The following PRKDC variants were observed in gnomAD, a reference collection of about 807,000 sequenced individuals.
PRKDC encodes the protein DNA-dependent protein kinase catalytic subunit.
Under a neutral mutation model 486.9 loss-of-function variants are expected in PRKDC, and 82 were observed. The ratio of observed to expected loss-of-function variants is 0.17; its 90% CI spans 0.14 to 0.20. PRKDC has a LOEUF of 0.20. PRKDC is among the 10% of genes least tolerant of loss of function. PRKDC has a pLI of 1.00. For synonymous variants in PRKDC, 1,895 were observed against 1,837.0 expected, an observed-to-expected ratio of 1.03 and a Z score of -0.81; for missense variants, 4,504 against 5,038.2, an observed-to-expected ratio of 0.89 and a Z score of 3.21.
At chr8:47,857,696 C>T (rs1165548176) in intron 48 of PRKDC, among the ~76,000 whole-genome samples, 1 of 152,110 alleles carries the variant, frequency 6.6e-6, no homozygotes, top group African/African-American at 2.4e-5. Context: ...AGTATGGCAC[C>T]CTGAGACCAT....
chr8:47,790,924 A>C (rs1404204429), intron 74 of PRKDC, among the ~76,000 whole-genome samples: 3 of 152,234 alleles, frequency 2.0e-5, no homozygotes, highest in East Asian at 3.8e-4. Flanking sequence ...AAATAGATTA[A>C]AGACTTAAAC....
In PRKDC at chr8:47,779,062, C is replaced by G. The variant is rs748093191; in HGVS notation, c.11521G>C (p.Asp3841His). Residue 3841 changes from aspartate (D) to histidine (H), a missense_variant, in exon 81 of 86, where the codon GAT becomes CAT. Around this residue, in one of 6 missense-constraint regions of PRKDC, gnomAD observed 706 missense variants for 945.0 expected, o/e 0.75. Transcript: ENST00000314191. ...DPRAPPCEYK[D>H]WLTKMSGKHD... ...TTTCCTGACATTTTTGTCAGCCAAT[C>G]TTTATATTCACACGGCGGTGCCCTG... The G allele has an allele frequency of 6.2e-7, 1 of 1,601,558 alleles. No individual in the cohort carries two copies. The highest frequency in any genetic ancestry group is 1.7e-5 in the Admixed American group (1 of 58,278).
At chr8:47,867,803 G>C (rs1589753625) in intron 40 of PRKDC, among the ~76,000 whole-genome samples, 1 of 152,138 alleles carries the variant, frequency 6.6e-6, no homozygotes, top group African/African-American at 2.4e-5. Flanking sequence ...CTCTGGCCTT[G>C]TTCCCAATCT....
In PRKDC at chr8:47,777,784, T is replaced by C. The variant is rs374625875; in HGVS notation, c.11944A>G (p.Ser3982Gly). 28 of 1,613,884 alleles carry C rather than the reference T, an allele frequency of 1.7e-5. No individual in the cohort carries two copies. In the African/African-American group the frequency reaches 3.1e-4, roughly 18 times the overall value. ...GCCCGGAGTGCGTGTACCATGATGCTGTACATAAGGCCCGTTTCTTTCATT... is the reference window on the plus strand; with the variant it reads ...GCCCGGAGTGCGTGTACCATGATGCCGTACATAAGGCCCGTTTCTTTCATT... ...LPMKETGLMY[S>G]IMVHALRAFR... The change falls in exon 84 of 86, where the codon AGC becomes GGC. Residue 3982 changes from serine (S) to glycine (G), a missense_variant. By Grantham distance (56) the Ser-to-Gly change is moderately conservative. Around this residue, in one of 6 missense-constraint regions of PRKDC, gnomAD observed 706 missense variants for 945.0 expected, o/e 0.75. Transcript: ENST00000314191.
At chr8:47,914,715 C>T (rs377764496) in intron 23 of PRKDC, among the ~76,000 whole-genome samples, 3 of 151,324 alleles carry the variant, frequency 2.0e-5, no homozygotes, top group African/African-American at 7.3e-5. Context: ...GCAGGAGAAT[C>T]GCTTGAACCT....
intron 44 of PRKDC, 126 bp downstream of exon 44, chr8:47,861,936 C>A (rs1013155859): frequency 7.1e-6 from 5 of 706,852 alleles, no homozygotes; most frequent in Non-Finnish European, 1.2e-5. Context: ...TTTATAGAAA[C>A]CACATGAAAC....
rs769409012 is a variant in PRKDC, at chr8:47,789,160, C to G, written c.10749G>C (p.Leu3583=). Residue 3583 remains leucine, a synonymous_variant, in exon 75 of 86, where the codon CTG becomes CTC. Coordinates refer to ENST00000314191, the MANE Select transcript of PRKDC (RefSeq NM_006904.7). The stretch of plus-strand genomic sequence containing the variant: ...GCCGTTCTATCATTACCTTAAAGAG[C>G]AGTTCAGGATTAGAGAGCTGATCTA... ...NALDQLSNPE[L]LFKDWSNDVR... The G allele has an allele frequency of 1.2e-6, 2 of 1,613,178 alleles. No homozygotes were observed. The highest frequency in any genetic ancestry group is 1.7e-6 in the Non-Finnish European group (2 of 1,179,440).
intron 45 of PRKDC, among the ~76,000 whole-genome samples, chr8:47,860,598 T>G (rs2088654590): frequency 6.6e-6 from 1 of 152,192 alleles, no homozygotes; most frequent in Non-Finnish European, 1.5e-5. Context: ...ACAATCCATA[T>G]GCAAACAATA....
chr8:47,957,177 T>C lies in PRKDC; in HGVS notation c.318A>G (p.Glu106=), dbSNP rs536327098. The C allele has an allele frequency of 2.6e-5, 41 of 1,566,662 alleles. No homozygotes were observed. In the African/African-American group the frequency reaches 4.2e-4, roughly 16 times the overall value. ...MGQKIAPYSV[E]IKNTCTSVYT... ...TATGTTTTTTAATTCTTACCTTAAT[T>C]TCAACAGAGTAAGGTGCGATCTTCT... The change falls in exon 3 of 86, where the codon GAA becomes GAG. Residue 106 remains glutamate (E), a synonymous_variant. Transcript: ENST00000314191.
chr8:47,826,623 T>C (rs1563754411), intron 63 of PRKDC, 33 bp downstream of exon 63: 11 of 1,577,164 alleles, frequency 7.0e-6, no homozygotes, highest in African/African-American at 2.7e-5. Flanking sequence ...TCAAATCCAG[T>C]GTGCTCCCAA....
chr8:47,807,430 T>G (rs1323998915), intron 68 of PRKDC, 104 bp from the exon 69 acceptor site: 2 of 1,060,438 alleles, frequency 1.9e-6, no homozygotes, highest in African/African-American at 1.6e-5. Flanking sequence ...TTTGTTCTTT[T>G]TTTTTTGAGA....
Position 47,858,477 on chromosome 8 carries a change from G to T in PRKDC, c.6465+39C>A, listed in dbSNP as rs747779880. Reference sequence around the variant, plus strand: ...ATAGAATTGAATAAACAGACTTACAGAATCTATTCAAAGAATAAAGAAATA... The same window carrying T: ...ATAGAATTGAATAAACAGACTTACATAATCTATTCAAAGAATAAAGAAATA... On this transcript the variant is annotated intron_variant, in intron 48 of 85. Coordinates refer to ENST00000314191, the MANE Select transcript of PRKDC (RefSeq NM_006904.7). The T allele has an allele frequency of 2.1e-6, 3 of 1,406,088 alleles. No individual in the cohort carries two copies. In the South Asian group the frequency reaches 4.1e-5, roughly 19 times the overall value. 87.1% of individuals were successfully genotyped at this position (1,406,088 alleles called of 1,614,324 possible).
At chr8:47,872,213 T>C (rs1475543934) in intron 40 of PRKDC, among the ~76,000 whole-genome samples, 1 of 152,186 alleles carries the variant, frequency 6.6e-6, no homozygotes, top group African/African-American at 2.4e-5. Context: ...TGTTCCGCTG[T>C]CAGCAGTTTA....
chr8:47,797,563 A>G (rs920408641), intron 73 of PRKDC, among the ~76,000 whole-genome samples: 1 of 152,178 alleles, frequency 6.6e-6, no homozygotes, highest in African/African-American at 2.4e-5. Flanking sequence ...TACATTTTCA[A>G]CTCAAAGCTT....
intron 64 of PRKDC, among the ~76,000 whole-genome samples, chr8:47,823,047 A>C (rs1177441576): frequency 1.3e-5 from 2 of 151,942 alleles, no homozygotes; most frequent in Non-Finnish European, 2.9e-5. Context: ...CAGATCCCTC[A>C]TGAATGAAGT....
rs930581554 is a variant in PRKDC, at chr8:47,889,178, C to T, written c.4116G>A (p.Leu1372=). ...DLCNTHLMRV[L]VQTLCEPASI... is the part of the protein sequence containing the mutation. ...TTGCGGGCTCACACAGCGTCTGCACCAGGACTCTCATCAGGTGTGTATTAC... is the reference window on the plus strand; with the variant it reads ...TTGCGGGCTCACACAGCGTCTGCACTAGGACTCTCATCAGGTGTGTATTAC... Residue 1372 remains leucine (L), a synonymous_variant, in exon 33 of 86, where the codon CTG becomes CTA. Coordinates refer to ENST00000314191, the MANE Select transcript of PRKDC (RefSeq NM_006904.7). 1.2e-6 allele frequency: 2 copies of T among 1,613,690 alleles called. No homozygotes were observed. The highest frequency in any genetic ancestry group is 1.7e-6 in the Non-Finnish European group (2 of 1,179,858).
At position 47,886,259 on chromosome 8, in the gene PRKDC, G is replaced by C. The variant is rs546996876; in HGVS notation, c.4573-112C>G. ...TTGGAAAATGACACAGGTCTAAAAAGAGCCTGATATGTGAAGCCTGGATTC... is the reference window on the plus strand; with the variant it reads ...TTGGAAAATGACACAGGTCTAAAAACAGCCTGATATGTGAAGCCTGGATTC... On this transcript the variant is annotated intron_variant, in intron 35 of 85. Coordinates refer to ENST00000314191, the MANE Select transcript of PRKDC (RefSeq NM_006904.7). 5.2e-6 allele frequency: 4 copies of C among 774,514 alleles called. No homozygotes were observed. In the African/African-American group the frequency reaches 7.0e-5, roughly 14 times the overall value. The allele number at this position is 774,514 out of a possible 1,614,324, so 48.0% of individuals were successfully genotyped here. A position where few individuals can be genotyped will look rare whatever the true frequency, so the allele number is the denominator to read the frequency against.
intron 40 of PRKDC, among the ~76,000 whole-genome samples, chr8:47,876,806 G>T (rs953148240): frequency 5.3e-5 from 8 of 152,050 alleles, no homozygotes; most frequent in African/African-American, 1.9e-4. Context: ...AATTTAGAAG[G>T]AATAAAAGAA....
chr8:47,948,930 A>C (rs973836226), intron 7 of PRKDC, among the ~76,000 whole-genome samples: 6 of 152,244 alleles, frequency 3.9e-5, no homozygotes, highest in Non-Finnish European at 8.8e-5. Context: ...ACAACTTACC[A>C]CAAACTTAAT....
Sources: allele counts gnomAD v4.1 joint callset (sites outside exome capture counted in the v4.1 genomes callset), GRCh38; gene constraint gnomAD v4.1.1; regional missense constraint gnomAD v4.1.1; transcripts MANE v1.5; gene names NCBI Gene and HGNC (gene_info 2026-07-23, HGNC 2026-07-21).